SLC25A21: variants seen among roughly 807,000 people sequenced by gnomAD.
SLC25A21 encodes solute carrier family 25 member 21, also known as mitochondrial 2-oxodicarboxylate carrier.
In SLC25A21, 47 loss-of-function variants were observed where a neutral mutation model predicts 43.8. That is an observed-to-expected ratio of 1.07 (90% CI 0.85 to 1.37). SLC25A21 has a LOEUF of 1.37. Ranked by LOEUF, SLC25A21 falls within the 40% of genes most tolerant of loss-of-function variation. SLC25A21 has a pLI of 0.00. For synonymous variants in SLC25A21, 131 were observed against 121.3 expected (o/e 1.08, Z -0.52); for missense variants, 352 against 350.2 (o/e 1.00, Z -0.04).
At chr14:37,167,233 C>T (rs946130641) in intron 1 of SLC25A21, among the ~76,000 whole-genome samples, 7 of 152,152 alleles carry the variant, frequency 4.6e-5, no homozygotes, top group African/African-American at 1.7e-4. Flanking sequence ...ATTTCACTTG[C>T]GCAATTTGGC....
At chr14:37,131,761 A>G (rs775050354) in intron 1 of SLC25A21, among the ~76,000 whole-genome samples, 13 of 152,178 alleles carry the variant, frequency 8.5e-5, no homozygotes, top group Non-Finnish European at 1.9e-4. Context: ...CGCAGTCTCC[A>G]TACTTGGGCT....
chr14:36,776,986 G>A (rs903699765), intron 3 of SLC25A21, among the ~76,000 whole-genome samples: 9 of 152,150 alleles, frequency 5.9e-5, no homozygotes, highest in African/African-American at 1.2e-4. Context: ...AAGGCTGGGC[G>A]CAGTGGCTCA....
chr14:37,006,844 G>A (rs1334590680), intron 1 of SLC25A21, among the ~76,000 whole-genome samples: 1 of 151,980 alleles, frequency 6.6e-6, no homozygotes, highest in African/African-American at 2.4e-5. Flanking sequence ...TATTCATCAA[G>A]GGAAACTCTG....
chr14:36,804,471 A>C (rs765180792), intron 3 of SLC25A21, among the ~76,000 whole-genome samples: 8 of 152,218 alleles, frequency 5.3e-5, no homozygotes, highest in Non-Finnish European at 1.2e-4. Flanking sequence ...TCACCAGAAA[A>C]CTAGAACTGT....
intron 3 of SLC25A21, among the ~76,000 whole-genome samples, chr14:36,781,156 G>A (rs1887045220): frequency 6.6e-6 from 1 of 151,996 alleles, no homozygotes; most frequent in Non-Finnish European, 1.5e-5. Flanking sequence ...CTGTGTTTTG[G>A]TTTCCATTTG....
chr14:36,807,185 T>C (rs945404828), intron 3 of SLC25A21: 8 of 152,184 alleles, frequency 5.3e-5, no homozygotes, highest in Non-Finnish European at 1.2e-4. Context: ...GGGTCTGAGA[T>C]GTAGATCTCA....
At chr14:36,834,333 T>C (rs1012014588) in intron 2 of SLC25A21, among the ~76,000 whole-genome samples, 5 of 152,198 alleles carry the variant, frequency 3.3e-5, no homozygotes, top group Non-Finnish European at 4.4e-5. Flanking sequence ...TTCTGGAATA[T>C]GGTAGAAATA....
At chr14:36,775,723 G>A (rs1295160961) in intron 3 of SLC25A21, among the ~76,000 whole-genome samples, 3 of 152,060 alleles carry the variant, frequency 2.0e-5, no homozygotes, top group Non-Finnish European at 2.9e-5. Context: ...ACTTTCTCCC[G>A]TTGTTAAAGG....
At chr14:37,080,202 C>T (rs1340781799) in intron 1 of SLC25A21, among the ~76,000 whole-genome samples, 2 of 152,158 alleles carry the variant, frequency 1.3e-5, no homozygotes, top group African/African-American at 2.4e-5. Context: ...AAGGCCCTGG[C>T]AATGCTCAAA....
chr14:36,827,584 G>C (rs1888879240), intron 2 of SLC25A21, among the ~76,000 whole-genome samples: 1 of 152,146 alleles, frequency 6.6e-6, no homozygotes, highest in Admixed American at 6.5e-5. Flanking sequence ...GGGAAGAAAT[G>C]AGTACCTTCA....
At chr14:36,729,718 G>A (rs1884746949) in intron 4 of SLC25A21, 152 bp from the exon 5 acceptor site, 1 of 605,222 alleles carries the variant, frequency 1.7e-6, no homozygotes, top group African/African-American at 1.9e-5. Flanking sequence ...GTCTCGGGCA[G>A]TTGCTATTGG....
intron 1 of SLC25A21, among the ~76,000 whole-genome samples, chr14:36,876,343 C>T (rs1890522545): frequency 6.6e-6 from 1 of 152,132 alleles, no homozygotes; most frequent in African/African-American, 2.4e-5. Flanking sequence ...GTTGCAAAGT[C>T]CTATGTATTG....
chr14:37,070,622 A>T (rs1962151653), intron 1 of SLC25A21, among the ~76,000 whole-genome samples: 1 of 152,188 alleles, frequency 6.6e-6, no homozygotes, highest in African/African-American at 2.4e-5. Flanking sequence ...ATGTTAGTTA[A>T]CTTTCTCTGT....
At chr14:37,042,076 C>A (rs1961485665) in intron 1 of SLC25A21, among the ~76,000 whole-genome samples, 1 of 152,166 alleles carries the variant, frequency 6.6e-6, no homozygotes. Flanking sequence ...TGATCTCTCT[C>A]CCATAATACA....
chr14:36,953,482 G>A (rs1959243886), intron 1 of SLC25A21, among the ~76,000 whole-genome samples: 1 of 152,108 alleles, frequency 6.6e-6, no homozygotes, highest in Admixed American at 6.5e-5. Flanking sequence ...AAGTTTATAA[G>A]TGGTTAGCTC....
chr14:36,885,682 T>C lies in SLC25A21; in HGVS notation c.71-10678A>G, dbSNP rs1350496418. ...TACTGATAAGTTTTGAGTCTGTATG[T>C]ATCCTGTAAGCAAAACAGAGGAATT... On this transcript the variant is annotated intron_variant, in intron 1 of 9. Transcript: ENST00000331299. Among the ~76,000 whole-genome samples the C allele has an allele frequency of 2.0e-5, 3 of 152,238 alleles. No homozygotes were observed. The East Asian group carries it at 5.8e-4, about 29-fold the overall frequency.
chr14:37,044,678 A>C (rs1001791348), intron 1 of SLC25A21, among the ~76,000 whole-genome samples: 1 of 152,200 alleles, frequency 6.6e-6, no homozygotes, highest in African/African-American at 2.4e-5. Context: ...AGGTAGATAC[A>C]GTCATGGAAC....
At chr14:37,010,070 T>G (rs1960697271) in intron 1 of SLC25A21, among the ~76,000 whole-genome samples, 1 of 152,224 alleles carries the variant, frequency 6.6e-6, no homozygotes, top group Non-Finnish European at 1.5e-5. Context: ...TTGGACCTAC[T>G]GCCTCTTTTA....
intron 1 of SLC25A21, among the ~76,000 whole-genome samples, chr14:36,925,993 A>G (rs537019949): frequency 1.3e-5 from 2 of 152,306 alleles, no homozygotes; most frequent in Admixed American, 6.5e-5. Flanking sequence ...CCTAACCATC[A>G]TCAACTAACT....
Sources: gnomAD v4.1 joint callset for allele counts (sites outside exome capture counted in the v4.1 genomes callset) on GRCh38, gnomAD v4.1.1 for gene constraint, MANE v1.5 for transcripts, NCBI Gene and HGNC (gene_info 2026-07-23, HGNC 2026-07-21) for gene names.